Variants in RHOH observed in about 807,000 individuals in gnomAD.
RHOH encodes ras homolog family member H.
RHOH carries 6 observed loss-of-function variants against 13.8 expected under a neutral mutation model. That is an observed-to-expected ratio of 0.44 (90% confidence interval 0.24 to 0.86). The LOEUF (loss-of-function observed/expected upper bound fraction) is 0.86, where lower values mean the gene tolerates loss of function less well. Among genes scored for constraint, RHOH ranks in the 40% least tolerant of loss-of-function variants. The probability of loss-of-function intolerance (pLI) is 0.24; values close to 1 mark genes in which losing one functional copy is unlikely to be tolerated. For synonymous variants in RHOH, 117 were observed against 103.0 expected (o/e 1.14, Z -0.82); for missense variants, 147 against 244.5 (o/e 0.60, Z 2.66).
intron 1 of RHOH, among the ~76,000 whole-genome samples, chr4:40,226,045 G>A (rs1560274771): frequency 6.6e-6 from 1 of 152,130 alleles, no homozygotes; most frequent in Non-Finnish European, 1.5e-5. Context: ...AACAGCGTCT[G>A]GCAAATGTGT....
At position 40,243,985 on chromosome 4, in the gene RHOH, A is replaced by G; in HGVS notation, c.*23A>G. 1.3e-6 allele frequency: 2 copies of G among 1,567,550 alleles called. No homozygotes were observed. The highest frequency in any genetic ancestry group is 2.3e-5 in the South Asian group (2 of 86,042). On this transcript the variant is annotated 3_prime_UTR_variant, in exon 3 of 3. Transcript: ENST00000381799. The surrounding 1 kb of genome is among the most constrained non-coding windows in gnomAD (Gnocchi z 6.2). ...TAAACCCCAAGAGACTTCACACAACACTTATGTATGCACCCCAAAGACTAA... is the reference window on the plus strand; with the variant it reads ...TAAACCCCAAGAGACTTCACACAACGCTTATGTATGCACCCCAAAGACTAA...
intron 1 of RHOH, among the ~76,000 whole-genome samples, chr4:40,209,199 T>A (rs2109393237): frequency 6.6e-6 from 1 of 152,232 alleles, no homozygotes; most frequent in African/African-American, 2.4e-5. Context: ...TTAAATTGTA[T>A]CTAATAAAAT....
chr4:40,215,354 A>T (rs1299464564), intron 1 of RHOH, among the ~76,000 whole-genome samples: 1 of 152,212 alleles, frequency 6.6e-6, no homozygotes, highest in African/African-American at 2.4e-5. Flanking sequence ...CTTCATTGCC[A>T]TAGAAAAATG....
chr4:40,233,383 G>C (rs1728175203), intron 1 of RHOH, among the ~76,000 whole-genome samples: 1 of 152,142 alleles, frequency 6.6e-6, no homozygotes, highest in African/African-American at 2.4e-5. Flanking sequence ...TATGGTTCCA[G>C]AGTCTGTGCT....
At chr4:40,235,577 C>T (rs1454952499) in intron 1 of RHOH, among the ~76,000 whole-genome samples, 11 of 71,810 alleles carry the variant, frequency 1.5e-4, no homozygotes, top group African/African-American at 4.9e-4. Context: ...GCAAAAAGAG[C>T]GAAACTTCAT....
rs180855161 is a variant in RHOH at position 40,218,062 on chromosome 4, A to C, written c.-331+20762A>C. The C allele has an allele frequency of 6.6e-6, 1 of 152,318 alleles. No individual in the cohort carries two copies. Among genetic ancestry groups the C allele is most frequent in the Non-Finnish European group, 1.5e-5 (1 of 68,022 alleles). The allele number at this position is 152,318 out of a possible 1,614,324, so 9.4% of individuals were successfully genotyped here. On this transcript the variant is annotated intron_variant, in intron 1 of 2. Transcript: ENST00000381799. The surrounding 1 kb of genome is among the most constrained non-coding windows in gnomAD (Gnocchi z 4.1). ...TTTAAGGTATGGAGTGCTTTGTACA[A>C]GGTACAAAACTTCTGTCCTTGGTAT...
intron 1 of RHOH, among the ~76,000 whole-genome samples, chr4:40,233,797 C>A (rs1268126163): frequency 6.6e-6 from 1 of 151,648 alleles, no homozygotes; most frequent in Non-Finnish European, 1.5e-5. Context: ...AATGTAAAAA[C>A]CACCTGTAAT....
intron 1 of RHOH, among the ~76,000 whole-genome samples, chr4:40,219,344 G>A (rs1016020207): frequency 5.3e-5 from 8 of 151,194 alleles, no homozygotes; most frequent in South Asian, 2.1e-4. Context: ...CCCAGGAGGC[G>A]GAGGTTGCAG....
upstream of RHOH, among the ~76,000 whole-genome samples, chr4:40,196,687 A>G (rs1201660025): frequency 7.2e-6 from 1 of 138,944 alleles, no homozygotes; most frequent in South Asian, 2.2e-4. Flanking sequence ...GGTCAGTGGC[A>G]TGGACTTTTT....
intron 1 of RHOH, among the ~76,000 whole-genome samples, chr4:40,234,978 A>G (rs1329126523): frequency 6.6e-6 from 1 of 152,298 alleles, no homozygotes; most frequent in East Asian, 1.9e-4. Flanking sequence ...CTGACTTAAA[A>G]ATGATTTCTT....
At chr4:40,231,242 A>G (rs1727895757) in intron 1 of RHOH, among the ~76,000 whole-genome samples, 1 of 150,550 alleles carries the variant, frequency 6.6e-6, no homozygotes, top group South Asian at 2.1e-4. Flanking sequence ...CTGTGAATAG[A>G]CCCGTACGAT....
chr4:40,236,194 G>A (rs1345818029), intron 1 of RHOH, among the ~76,000 whole-genome samples: 1 of 152,058 alleles, frequency 6.6e-6, no homozygotes, highest in Non-Finnish European at 1.5e-5. Flanking sequence ...TGTGACTGTG[G>A]CCAAGATTGC....
intron 1 of RHOH, among the ~76,000 whole-genome samples, chr4:40,204,492 A>T (rs149192287): frequency 1.2e-4 from 19 of 152,320 alleles, no homozygotes; most frequent in Middle Eastern, 3.4e-3. Flanking sequence ...TTGGTCACAG[A>T]TTCGTTTGAC....
upstream of RHOH, among the ~76,000 whole-genome samples, chr4:40,193,397 A>T (rs1198890392): frequency 6.6e-6 from 1 of 150,376 alleles, no homozygotes; most frequent in East Asian, 2.0e-4. Flanking sequence ...TATGTCTGTG[A>T]ATGTTTGCAT....
At chr4:40,235,985 G>GA (rs768451271) in intron 1 of RHOH, among the ~76,000 whole-genome samples, 37 of 95,888 alleles carry the variant, frequency 3.9e-4, no homozygotes, top group Non-Finnish European at 5.4e-4. Context: ...CTGTCTTAAA[G>GA]AAAAAAAAAA....
intron 1 of RHOH, among the ~76,000 whole-genome samples, chr4:40,217,731 C>T (rs1426860451): frequency 6.6e-6 from 1 of 152,146 alleles, no homozygotes; most frequent in Non-Finnish European, 1.5e-5. Flanking sequence ...GAAGTAGAGA[C>T]AAATTAAGGC....
chr4:40,242,107 G>C (rs1186743692), intron 1 of RHOH, among the ~76,000 whole-genome samples: 3 of 152,198 alleles, frequency 2.0e-5, no homozygotes, highest in Non-Finnish European at 4.4e-5. Flanking sequence ...CCTTCGTCTG[G>C]AGCTGGGCTG....
At chr4:40,192,693 A>G (rs935809909), upstream of RHOH, among the ~76,000 whole-genome samples, 1 of 152,178 alleles carries the variant, frequency 6.6e-6, no homozygotes, top group African/African-American at 2.4e-5. Context: ...TGAGAAAGTA[A>G]GTCTTTGCTT....
intron 1 of RHOH, among the ~76,000 whole-genome samples, chr4:40,241,185 C>T (rs1430120610): frequency 6.6e-6 from 1 of 152,158 alleles, no homozygotes; most frequent in African/African-American, 2.4e-5. Context: ...AAATGGGGTC[C>T]ATGACCACGG....
Sources: gnomAD v4.1 joint callset for allele counts (sites outside exome capture counted in the v4.1 genomes callset) on GRCh38, gnomAD v4.1.1 for gene constraint, Gnocchi (gnomAD v3.1) non-coding constraint, MANE v1.5 for transcripts, NCBI Gene and HGNC (gene_info 2026-07-23, HGNC 2026-07-21) for gene names.